The following SBNO1 variants were observed in gnomAD, a reference collection of about 807,000 sequenced individuals.
SBNO1 encodes protein strawberry notch homolog 1.
SBNO1 carries 23 observed loss-of-function variants against 173.6 expected under a neutral mutation model. The ratio of observed to expected loss-of-function variants is 0.13; its 90% confidence interval spans 0.10 to 0.19. The LOEUF is 0.19. SBNO1 is among the 10% of genes least tolerant of loss of function. The pLI is 1.00. For missense variants in SBNO1, 1,238 were observed against 1,671.2 expected (o/e 0.74, Z 4.52); for synonymous variants, 632 against 571.5 (o/e 1.11, Z -1.51).
In SBNO1 at chr12:123,341,036, A is replaced by T; in HGVS notation, c.603T>A (p.Ala201=). Residue 201 remains alanine, a synonymous_variant, in exon 5 of 32, where the codon GCT becomes GCA. Transcript: ENST00000602398. Reference sequence around the variant, plus strand: ...TCTTCATGTCGTTTATCCACATTCTAGCTCCTTCTTTATTAGAAGACTCTT... The same window carrying T: ...TCTTCATGTCGTTTATCCACATTCTTGCTCCTTCTTTATTAGAAGACTCTT... ...VKKESSNKEG[A]RMWINDMKMR... 1 of 1,604,968 alleles carries T rather than the reference A, an allele frequency of 6.2e-7. No individual in the cohort carries two copies.
intron 6 of SBNO1, 121 bp from the exon 7 acceptor site, chr12:123,334,334 T>G: frequency 3.1e-6 from 2 of 650,190 alleles, no homozygotes; most frequent in Non-Finnish European, 5.1e-6. Context: ...AAGTATTCAC[T>G]CTGAGCTTCC....
At chr12:123,298,494 G>T (rs1421762229) in intron 30 of SBNO1, among the ~76,000 whole-genome samples, 1 of 152,178 alleles carries the variant, frequency 6.6e-6, no homozygotes, top group Non-Finnish European at 1.5e-5. Flanking sequence ...CTGACCTCAG[G>T]TGATCCACCC....
At chr12:123,311,555 A>G (rs1420505997) in intron 24 of SBNO1, among the ~76,000 whole-genome samples, 1 of 151,862 alleles carries the variant, frequency 6.6e-6, no homozygotes, top group Non-Finnish European at 1.5e-5. Flanking sequence ...GGGTTTCGCC[A>G]TGTTGGCCAG....
At position 123,323,696 on chromosome 12, in the gene SBNO1, T is replaced by G; in HGVS notation, c.2109A>C (p.Lys703Asn). Reference protein sequence around the residue: ...SPRDSPCKENKIKKRKGEEIT... With the variant: ...SPRDSPCKENNIKKRKGEEIT... ...AGTGCTCACCTTTCCGCTTCTTTAT[T>G]TTATTTTCTTTACAAGGACTATCTC... The change falls in exon 16 of 32, where the codon AAA (lysine) becomes AAC (asparagine). Residue 703 changes from lysine (K) to asparagine (N), a missense_variant. By Grantham distance (94) the Lys-to-Asn change is moderately conservative. Coordinates refer to ENST00000602398, the MANE Select transcript of SBNO1 (RefSeq NM_001167856.3). The G allele has an allele frequency of 6.2e-7, 1 of 1,607,584 alleles. No individual in the cohort carries two copies. Among genetic ancestry groups the G allele is most frequent in the Non-Finnish European group, 8.5e-7 (1 of 1,178,286 alleles).
intron 1 of SBNO1, among the ~76,000 whole-genome samples, chr12:123,359,241 C>G (rs1034734836): frequency 1.4e-5 from 2 of 146,432 alleles, no homozygotes; most frequent in Non-Finnish European, 3.0e-5. Flanking sequence ...CCTACTGTAT[C>G]AGCATTTTAA....
chr12:123,311,903 T>A (rs1355036738), intron 24 of SBNO1, among the ~76,000 whole-genome samples: 1 of 148,474 alleles, frequency 6.7e-6, no homozygotes. Context: ...GCCTGGCTAA[T>A]TTTTTTTTGT....
intron 23 of SBNO1, among the ~76,000 whole-genome samples, chr12:123,314,675 T>C (rs1403049093): frequency 1.3e-5 from 2 of 148,856 alleles, no homozygotes; most frequent in South Asian, 2.1e-4. Flanking sequence ...TCTTGCCCTA[T>C]TGCCCAGGCT....
chr12:123,322,077 A>C (rs1870043407), intron 16 of SBNO1, among the ~76,000 whole-genome samples: 1 of 152,234 alleles, frequency 6.6e-6, no homozygotes, highest in African/African-American at 2.4e-5. Context: ...GAAGAGGCCT[A>C]ATAATTACAG....
intron 4 of SBNO1, among the ~76,000 whole-genome samples, chr12:123,343,985 G>T (rs1226132243): frequency 1.3e-5 from 2 of 152,140 alleles, no homozygotes; most frequent in South Asian, 2.1e-4. Flanking sequence ...TAGATATCTT[G>T]TTCAGTCAGC....
At chr12:123,312,450 A>G (rs10082867) in intron 24 of SBNO1, among the ~76,000 whole-genome samples, 16,795 of 152,168 alleles carry the variant, frequency 0.11, 1,053 homozygotes, top group East Asian at 0.29. Context: ...CTTGGCTCAC[A>G]TCTGTAATCC....
chr12:123,318,135 T>C (rs765091516), intron 20 of SBNO1, among the ~76,000 whole-genome samples: 1 of 152,102 alleles, frequency 6.6e-6, no homozygotes, highest in African/African-American at 2.4e-5. Context: ...ATTTTCCCTG[T>C]ACAGGGCAGG....
Position 123,341,020 on chromosome 12 carries a change from C to G in SBNO1, c.619G>C (p.Asp207His). 1 of 1,601,646 alleles carries G rather than the reference C, an allele frequency of 6.2e-7. No individual in the cohort carries two copies. The highest frequency in any genetic ancestry group is 8.5e-7 in the Non-Finnish European group (1 of 1,172,680). The change falls in exon 5 of 32, where the codon GAC (aspartate) becomes CAC (histidine). Residue 207 changes from aspartate to histidine, a missense_variant. Around this residue, in one of 14 missense-constraint regions of SBNO1, gnomAD observed 287 missense variants for 274.1 expected, o/e 1.05. Transcript: ENST00000602398. ...NKEGARMWIN[D>H]MKMRSFSPTM... ...GGGGAAAAACTCCTCATCTTCATGTCGTTTATCCACATTCTAGCTCCTTCT... is the reference window on the plus strand; with the variant it reads ...GGGGAAAAACTCCTCATCTTCATGTGGTTTATCCACATTCTAGCTCCTTCT...
chr12:123,352,484 G>T (rs549735426), intron 1 of SBNO1, among the ~76,000 whole-genome samples: 1 of 152,106 alleles, frequency 6.6e-6, no homozygotes, highest in Non-Finnish European at 1.5e-5. Context: ...TAGAGACAGG[G>T]TTTCACAATG....
chr12:123,334,986 C>T (rs959160563), intron 6 of SBNO1, among the ~76,000 whole-genome samples: 1 of 152,174 alleles, frequency 6.6e-6, no homozygotes, highest in African/African-American at 2.4e-5. Context: ...GCCAAGAGTT[C>T]AAGACCAGCC....
chr12:123,352,517 C>A (rs1365781726), intron 1 of SBNO1, among the ~76,000 whole-genome samples: 1 of 152,134 alleles, frequency 6.6e-6, no homozygotes. Flanking sequence ...GTCTCGAACT[C>A]CTGACCTCAG....
At chr12:123,301,751 A>T (rs909124743) in intron 30 of SBNO1, among the ~76,000 whole-genome samples, 2 of 152,058 alleles carry the variant, frequency 1.3e-5, no homozygotes, top group African/African-American at 2.4e-5. Context: ...AAGCTTTTTT[A>T]AAAAAGAGAG....
rs1456061751 is a variant in SBNO1, at chr12:123,305,442, T to G, written c.3631-723A>C. ...GTAAAAATGGAAGAAAGGGAAGCATTAGAGAAATGTTGGAATTTAGGTATG... is the reference window on the plus strand; with the variant it reads ...GTAAAAATGGAAGAAAGGGAAGCATGAGAGAAATGTTGGAATTTAGGTATG... On this transcript the variant is annotated intron_variant, in intron 28 of 31. Coordinates refer to ENST00000602398, the MANE Select transcript of SBNO1 (RefSeq NM_001167856.3). Among the ~76,000 whole-genome samples, 3 of 152,122 alleles carry G rather than the reference T, an allele frequency of 2.0e-5. No individual in the cohort carries two copies. In the East Asian group the frequency reaches 5.8e-4, roughly 29 times the overall value.
rs569221432 is a variant in SBNO1, at chr12:123,309,642, G to C, written c.3443-59C>G. On this transcript the variant is annotated intron_variant, in intron 26 of 31. Transcript: ENST00000602398. The stretch of plus-strand genomic sequence containing the variant: ...AAGAACATTTTTATCAGGTACACAC[G>C]TTTAAAGAATTTCTCCACTCCACAT... 3.8e-6 allele frequency: 6 copies of C among 1,598,248 alleles called. No homozygotes were observed. The East Asian group carries it at 1.3e-4, about 36-fold the overall frequency.
At chr12:123,305,509 T>C (rs2138899321) in intron 28 of SBNO1, among the ~76,000 whole-genome samples, 1 of 152,310 alleles carries the variant, frequency 6.6e-6, no homozygotes, top group East Asian at 1.9e-4. Flanking sequence ...AGTCTTGCTC[T>C]GTCACCAGCC....
Sources: allele counts gnomAD v4.1 joint callset (sites outside exome capture counted in the v4.1 genomes callset), GRCh38; gene constraint gnomAD v4.1.1; regional missense constraint gnomAD v4.1.1; transcripts MANE v1.5; gene names NCBI Gene and HGNC (gene_info 2026-07-23, HGNC 2026-07-21).